TMEM131: variants seen among roughly 807,000 people sequenced by gnomAD.
The protein encoded by TMEM131 is 2610524E03Rik.
Under a neutral mutation model 211.6 loss-of-function variants are expected in TMEM131, and 66 were observed. That is an observed-to-expected ratio of 0.31 (90% CI 0.26 to 0.38). The LOEUF (loss-of-function observed/expected upper bound fraction) is 0.38. Among genes scored for constraint, TMEM131 ranks in the 10% least tolerant of loss-of-function variants. The pLI, the probability that TMEM131 is intolerant of heterozygous loss-of-function variation, is 1.00. For synonymous variants in TMEM131, 844 were observed against 841.3 expected (o/e 1.00, Z -0.06); for missense variants, 2,036 against 2,299.3 (o/e 0.89, Z 2.34).
At chr2:97,895,369 G>A (rs534936973) in intron 3 of TMEM131, among the ~76,000 whole-genome samples, 17 of 152,120 alleles carry the variant, frequency 1.1e-4, no homozygotes, top group East Asian at 1.9e-4. Flanking sequence ...TGGATCAGAC[G>A]ATGTTGGCCT....
In TMEM131 at chr2:97,834,604, T is replaced by C; in HGVS notation, c.1012+17A>G. 1 of 1,517,572 alleles carries C rather than the reference T, an allele frequency of 6.6e-7. No homozygotes were observed. Among genetic ancestry groups the C allele is most frequent in the South Asian group, 1.3e-5 (1 of 78,054 alleles). 94.0% of individuals were successfully genotyped at this position (1,517,572 alleles called of 1,614,324 possible). A position where few individuals can be genotyped will look rare whatever the true frequency, so the allele number is the denominator to read the frequency against. ...AAAAAAAAACTCCATAAAGACTCTT[T>C]TAAAAGATTTTTTTACCTTGTGTTC... On this transcript the variant is annotated intron_variant, in intron 10 of 40. Transcript: ENST00000186436.
chr2:97,812,155 C>T (rs1681577593), intron 17 of TMEM131, among the ~76,000 whole-genome samples: 1 of 152,196 alleles, frequency 6.6e-6, no homozygotes, highest in South Asian at 2.1e-4. Flanking sequence ...TGTAATGACA[C>T]TTGTGTTACA....
chr2:97,857,809 C>T (rs1673908236), intron 5 of TMEM131, among the ~76,000 whole-genome samples: 1 of 152,122 alleles, frequency 6.6e-6, no homozygotes, highest in Non-Finnish European at 1.5e-5. Flanking sequence ...CTCTGGAGCT[C>T]GGCCTGTGTA....
intron 1 of TMEM131, among the ~76,000 whole-genome samples, chr2:97,951,259 T>C (rs544129108): frequency 1.3e-5 from 2 of 152,306 alleles, no homozygotes; most frequent in South Asian, 2.1e-4. Context: ...CCAAAGACAA[T>C]TGAGTTTTGT....
At chr2:97,813,921 A>G in intron 15 of TMEM131, 50 bp downstream of exon 15, 1 of 1,406,346 alleles carries the variant, frequency 7.1e-7, no homozygotes, top group South Asian at 1.4e-5. Flanking sequence ...ATCTGAAAAC[A>G]TTAAAGGTGG....
intron 1 of TMEM131, among the ~76,000 whole-genome samples, chr2:97,946,538 CA>C (rs1356133918): frequency 1.3e-5 from 2 of 151,812 alleles, no homozygotes; most frequent in East Asian, 3.9e-4. Flanking sequence ...AGGTCACTCA[CA>C]AAAAACTAGC....
chr2:97,810,900 C>T (rs1175084664), intron 18 of TMEM131, among the ~76,000 whole-genome samples: 6 of 152,144 alleles, frequency 3.9e-5, no homozygotes, highest in Admixed American at 3.9e-4. Flanking sequence ...GTGCTAAAGG[C>T]ATTCTTCTGA....
intron 5 of TMEM131, among the ~76,000 whole-genome samples, chr2:97,848,147 C>A (rs558684118): frequency 6.6e-6 from 1 of 152,170 alleles, no homozygotes; most frequent in Non-Finnish European, 1.5e-5. Context: ...CAAAACCAGA[C>A]TCACACATAC....
chr2:97,795,285 T>C (rs979565113), intron 28 of TMEM131, among the ~76,000 whole-genome samples, 170 bp from the exon 29 acceptor site: 2 of 152,234 alleles, frequency 1.3e-5, no homozygotes, highest in South Asian at 2.1e-4. Context: ...TGGTCAGTAA[T>C]AGGAACAACT....
chr2:97,841,897 G>A lies in TMEM131; in HGVS notation c.641C>T (p.Pro214Leu), dbSNP rs1311665813. Residue 214 changes from proline to leucine, a missense_variant, in exon 7 of 41, where the codon CCG (proline) becomes CTG (leucine). Physicochemically the swap from Pro to Leu is moderately conservative, Grantham distance 98. Transcript: ENST00000186436. Reference protein sequence around the residue: ...VGVPNPYRLRPFLGARVPVNS... With the variant: ...VGVPNPYRLRLFLGARVPVNS... ...CACAGGGACTCTGGCCCCAAGGAAC[G>A]GCCTCAATCGATATGGATTTGGAAC... 1.9e-6 allele frequency: 3 copies of A among 1,592,278 alleles called. No homozygotes were observed. Among genetic ancestry groups the A allele is most frequent in the Non-Finnish European group, 2.6e-6 (3 of 1,168,144 alleles).
chr2:97,827,464 G>C, intron 11 of TMEM131: 1 of 1,021,528 alleles, frequency 9.8e-7, no homozygotes, highest in Admixed American at 1.7e-5. Context: ...AACTAAAGAA[G>C]ATTTACCTGC....
Position 97,843,559 on chromosome 2 carries a change from C to T in TMEM131, c.600+586G>A, listed in dbSNP as rs1029596717. 2.6e-5 allele frequency among the ~76,000 whole-genome samples: 4 copies of T among 152,116 alleles called. 1 individual carries two copies. In the South Asian group the frequency reaches 8.3e-4, roughly 31 times the overall value. ...CTTGCTTTGTTGCCCAGGCTGGTCT[C>T]GAACTCCTGGCTTCAAGTGATCCTC... On this transcript the variant is annotated intron_variant, in intron 6 of 40. Coordinates refer to ENST00000186436, the MANE Select transcript of TMEM131 (RefSeq NM_015348.2).
intron 11 of TMEM131, among the ~76,000 whole-genome samples, chr2:97,823,877 G>A (rs899498974): frequency 6.6e-6 from 1 of 152,158 alleles, no homozygotes; most frequent in African/African-American, 2.4e-5. Flanking sequence ...ATCAGCCACA[G>A]ATAACAGGAG....
chr2:97,943,431 C>A (rs1677892953), intron 1 of TMEM131, among the ~76,000 whole-genome samples: 1 of 152,124 alleles, frequency 6.6e-6, no homozygotes, highest in Non-Finnish European at 1.5e-5. Context: ...CAAATCATAT[C>A]TAGAAACATA....
At chr2:97,887,039 T>G (rs1342838479) in intron 4 of TMEM131, among the ~76,000 whole-genome samples, 2 of 152,132 alleles carry the variant, frequency 1.3e-5, no homozygotes, top group African/African-American at 4.8e-5. Flanking sequence ...TCAGATGGCT[T>G]GGGTGTCTGT....
rs188871992 is a variant in TMEM131, at chr2:97,788,732, C to T, written c.4144+3654G>A. ...GCCCAGCGCTGCCTTACTGGAAAAC[C>T]GTAGCAAGCAGTGCCAGTCACCAGG... On this transcript the variant is annotated intron_variant, in intron 31 of 40. Transcript: ENST00000186436. Among the ~76,000 whole-genome samples, 24 of 152,262 alleles carry T rather than the reference C, an allele frequency of 1.6e-4. No homozygotes were observed. The East Asian group carries it at 3.7e-3, about 23-fold the overall frequency.
At chr2:97,978,932 A>T (rs935794203) in intron 1 of TMEM131, among the ~76,000 whole-genome samples, 1 of 152,200 alleles carries the variant, frequency 6.6e-6, no homozygotes, top group Non-Finnish European at 1.5e-5. Context: ...GCCTTAAAAA[A>T]TGTATTTTTA....
chr2:97,792,059 T>C (rs1680520126), intron 31 of TMEM131, among the ~76,000 whole-genome samples: 1 of 152,346 alleles, frequency 6.6e-6, no homozygotes, highest in East Asian at 1.9e-4. Context: ...ATCTCCATTT[T>C]ACTCCTGTGC....
chr2:97,811,037 A>C (rs962768241), intron 18 of TMEM131, 91 bp downstream of exon 18: 5 of 921,110 alleles, frequency 5.4e-6, no homozygotes, highest in Non-Finnish European at 8.8e-6. Flanking sequence ...TGTAACTCTG[A>C]GTAAACTTAA....
Sources: allele counts gnomAD v4.1 joint callset (sites outside exome capture counted in the v4.1 genomes callset), GRCh38; gene constraint gnomAD v4.1.1; transcripts MANE v1.5; gene names NCBI Gene and HGNC (gene_info 2026-07-23, HGNC 2026-07-21).